Variants in VPS50 observed in about 807,000 individuals in gnomAD.
The protein encoded by VPS50 is syndetin.
In VPS50, 70 loss-of-function variants were observed where a neutral mutation model predicts 139.7. The ratio of observed to expected loss-of-function variants is 0.50; its 90% CI spans 0.41 to 0.61. VPS50 has a LOEUF of 0.61. Among genes scored for constraint, VPS50 ranks in the 20% least tolerant of loss-of-function variants. The pLI is 0.00. For synonymous variants in VPS50, 365 were observed against 376.7 expected (o/e 0.97, Z 0.36); for missense variants, 921 against 1,133.7 (o/e 0.81, Z 2.69).
intron 14 of VPS50, 94 bp downstream of exon 14, chr7:93,294,730 T>C: frequency 2.2e-6 from 2 of 901,980 alleles, no homozygotes; most frequent in Non-Finnish European, 3.3e-6. Flanking sequence ...TATATATGTA[T>C]TCTTTGCAGA....
At position 93,276,279 on chromosome 7, in the gene VPS50, A is replaced by C; in HGVS notation, c.916A>C (p.Lys306Gln). The change falls in exon 12 of 28, where the codon AAG becomes CAG. Residue 306 changes from lysine to glutamine, a missense_variant. Lys to Gln is a moderately conservative substitution (Grantham distance 53). Transcript: ENST00000305866. ...CAGNTDTKFQKLQYKDLCTHV... is the reference protein window; with the variant it reads ...CAGNTDTKFQQLQYKDLCTHV... ...AGGAAACACAGACACAAAATTCCAA[A>C]AGCTGCAATATAAGGATCTCTGTAC... 1 of 1,613,406 alleles carries C rather than the reference A, an allele frequency of 6.2e-7. No homozygotes were observed. The highest frequency in any genetic ancestry group is 2.2e-5 in the East Asian group (1 of 44,836).
rs577525828 is a variant in VPS50, at chr7:93,335,231, G to A, written c.2058+1034G>A. On this transcript the variant is annotated intron_variant, in intron 22 of 27. Coordinates refer to ENST00000305866, the MANE Select transcript of VPS50 (RefSeq NM_017667.4). ...ATGAGTACTAAGATGAAACTGAAGCGGTGATAGGATGGGGATCTTGAGCAG... is the reference window on the plus strand; with the variant it reads ...ATGAGTACTAAGATGAAACTGAAGCAGTGATAGGATGGGGATCTTGAGCAG... Among the ~76,000 whole-genome samples the A allele has an allele frequency of 5.6e-4, 85 of 152,278 alleles. 2 individuals carry two copies. In the South Asian group the frequency reaches 0.017, roughly 30 times the overall value.
chr7:93,277,679 A>G (rs1405543174), intron 12 of VPS50, among the ~76,000 whole-genome samples: 1 of 152,190 alleles, frequency 6.6e-6, no homozygotes, highest in Non-Finnish European at 1.5e-5. Flanking sequence ...TTTTAAACTA[A>G]TTGTAGAAAC....
chr7:93,299,184 T>C (rs960391839), intron 16 of VPS50, among the ~76,000 whole-genome samples: 1 of 152,152 alleles, frequency 6.6e-6, no homozygotes, highest in South Asian at 2.1e-4. Context: ...ATCAGGAAAA[T>C]TATAGTGGAA....
chr7:93,323,103 T>C (rs943102444), intron 20 of VPS50: 1 of 152,118 alleles, frequency 6.6e-6, no homozygotes, highest in South Asian at 2.1e-4. Flanking sequence ...ATGGGCAGTA[T>C]CTTGCATGTA....
Position 93,358,592 on chromosome 7 carries a change from G to A in VPS50, c.*156G>A, listed in dbSNP as rs1283563983. On this transcript the variant is annotated 3_prime_UTR_variant, in exon 28 of 28. Coordinates refer to ENST00000305866, the MANE Select transcript of VPS50 (RefSeq NM_017667.4). ...TGGAAAATATTGAAATGTGTGTGGT[G>A]TTCTCATGACTTTTATATGCTGTGG... 4 of 636,556 alleles carry A rather than the reference G, an allele frequency of 6.3e-6. No homozygotes were observed. The highest frequency in any genetic ancestry group is 2.7e-5 in the East Asian group (1 of 36,442). The allele number at this position is 636,556 out of a possible 1,614,324, so 39.4% of individuals were successfully genotyped here. A position where few individuals can be genotyped will look rare whatever the true frequency, so the allele number is the denominator to read the frequency against.
intron 24 of VPS50, among the ~76,000 whole-genome samples, chr7:93,349,457 C>A (rs575728151): frequency 6.6e-6 from 1 of 152,060 alleles, no homozygotes; most frequent in African/African-American, 2.4e-5. Flanking sequence ...TTTTAGTTTT[C>A]TGGGGGCATT....
chr7:93,323,693 C>A lies in VPS50; in HGVS notation c.1938C>A (p.Tyr646Ter). 1 of 1,423,336 alleles carries A rather than the reference C, an allele frequency of 7.0e-7. No homozygotes were observed. The highest frequency in any genetic ancestry group is 1.4e-5 in the South Asian group (1 of 69,396). 88.2% of individuals were successfully genotyped at this position (1,423,336 alleles called of 1,614,324 possible). The change falls in exon 21 of 28, where the codon TAC becomes TAA. Residue 646 changes from tyrosine (Y) to a stop codon, truncating the protein, a stop_gained. Coordinates refer to ENST00000305866, the MANE Select transcript of VPS50 (RefSeq NM_017667.4). LOFTEE classifies it high-confidence loss of function. ...TCATGTCTCAACTATTTGATTATTA[C>A]TTGTATGCAATATATACCTTTTTTG... ...IHFMSQLFDY[Y>*]LYAIYTFFGR...
In VPS50 at chr7:93,303,449, CTTT is replaced by C. The variant is rs763896782; in HGVS notation, c.1362-6_1362-4del. The C allele has an allele frequency of 8.2e-6, 12 of 1,456,834 alleles. No individual in the cohort carries two copies. Among genetic ancestry groups the C allele is most frequent in the Non-Finnish European group, 1.0e-5 (11 of 1,054,886 alleles). The allele number at this position is 1,456,834 out of a possible 1,614,324, so 90.2% of individuals were successfully genotyped here. A position where few individuals can be genotyped will look rare whatever the true frequency, so the allele number is the denominator to read the frequency against. ...TCTCACTTTTTGGAGTGTTCATTTT[CTTT>C]TTTTAAGAACACGGCTCGATGAACT... On this transcript the variant is annotated splice_region_variant and splice_polypyrimidine_tract_variant and intron_variant, in intron 16 of 27. Transcript: ENST00000305866.
intron 21 of VPS50, among the ~76,000 whole-genome samples, chr7:93,331,627 T>C (rs1000700620): frequency 6.6e-6 from 1 of 152,134 alleles, no homozygotes; most frequent in East Asian, 1.9e-4. Context: ...TCCAAAACTA[T>C]GAAACTTCTA....
intron 1 of VPS50, among the ~76,000 whole-genome samples, chr7:93,235,983 C>T (rs1794788582): frequency 6.6e-6 from 1 of 152,134 alleles, no homozygotes; most frequent in Non-Finnish European, 1.5e-5. Flanking sequence ...AGTGGTGGAT[C>T]TAGGAAAGCA....
chr7:93,342,219 C>T (rs572109654), intron 23 of VPS50, among the ~76,000 whole-genome samples: 16 of 152,164 alleles, frequency 1.1e-4, no homozygotes, highest in African/African-American at 2.7e-4. Context: ...TGGTGACAGA[C>T]GGCACCTGCA....
rs544016983 is a variant in VPS50, at chr7:93,354,798, T to A, written c.2585+1037T>A. On this transcript the variant is annotated intron_variant, in intron 26 of 27. Transcript: ENST00000305866. ...GATACAAATAAGGATCAGTAATACA[T>A]CTGAAATATCCCTGAGAAGCGAACA... Among the ~76,000 whole-genome samples, 6 of 152,290 alleles carry A rather than the reference T, an allele frequency of 3.9e-5. No individual in the cohort carries two copies. The South Asian group carries it at 1.2e-3, about 32-fold the overall frequency.
Position 93,253,946 on chromosome 7 carries a change from A to AT in VPS50, c.297+15_297+16insT. The stretch of plus-strand genomic sequence containing the variant: ...AGCAAGCTGCAGTAAGTAAAAAAAA[A>AT]ACACATTTCTTTCTGGCAAAACTCT... On this transcript the variant is annotated intron_variant, in intron 4 of 27. Transcript: ENST00000305866. The AT allele has an allele frequency of 6.7e-7, 1 of 1,499,942 alleles. No homozygotes were observed. 92.9% of individuals were successfully genotyped at this position (1,499,942 alleles called of 1,614,324 possible). A position where few individuals can be genotyped will look rare whatever the true frequency, so the allele number is the denominator to read the frequency against.
rs202155789 is a variant in VPS50 at position 93,291,820 on chromosome 7, A to G, written c.1060A>G (p.Thr354Ala). Residue 354 changes from threonine to alanine, a missense_variant, in exon 13 of 28, where the codon ACT becomes GCT. Physicochemically the swap from Thr to Ala is moderately conservative, Grantham distance 58. Around this residue, in one of 3 missense-constraint regions of VPS50, gnomAD observed 744 missense variants for 930.6 expected, o/e 0.80. Transcript: ENST00000305866. ...EWHEKHDNED[T>A]ASASEGSNMI... Reference sequence around the variant, plus strand: ...GCATGAAAAGCATGACAATGAGGATACTGCTTCAGCTTCTGGTAGGAAAAT... The same window carrying G: ...GCATGAAAAGCATGACAATGAGGATGCTGCTTCAGCTTCTGGTAGGAAAAT... 333 of 1,583,442 alleles carry G rather than the reference A, an allele frequency of 2.1e-4. No individual in the cohort carries two copies. The highest frequency in any genetic ancestry group is 2.6e-4 in the Non-Finnish European group (309 of 1,167,028).
In VPS50 at chr7:93,360,407, G is replaced by T. The variant is rs987863480; in HGVS notation, c.*1971G>T. On this transcript the variant is annotated 3_prime_UTR_variant, in exon 28 of 28. Transcript: ENST00000305866. The stretch of plus-strand genomic sequence containing the variant: ...ATCTTTTTAATGCTTTTTGAAAAAG[G>T]TTTTTTTTTTTTTTTTTTTTCATTA... 4.0e-4 allele frequency: 50 copies of T among 124,026 alleles called. No homozygotes were observed. The highest frequency in any genetic ancestry group is 7.4e-4 in the Admixed American group (9 of 12,120). The allele number at this position is 124,026 out of a possible 1,614,324, so 7.7% of individuals were successfully genotyped here.
chr7:93,322,764 C>CT (rs1318096217), intron 20 of VPS50, among the ~76,000 whole-genome samples: 1 of 152,100 alleles, frequency 6.6e-6, no homozygotes, highest in Non-Finnish European at 1.5e-5. Context: ...AGATATGCTT[C>CT]TTTTCCTCTT....
intron 9 of VPS50, among the ~76,000 whole-genome samples, chr7:93,260,713 A>G (rs1276742792): frequency 2.0e-5 from 3 of 151,104 alleles, no homozygotes; most frequent in African/African-American, 7.3e-5. Context: ...TTTTTATTTT[A>G]AAGATGGAGT....
chr7:93,325,897 C>T (rs981099418), intron 21 of VPS50, among the ~76,000 whole-genome samples: 3 of 151,174 alleles, frequency 2.0e-5, no homozygotes, highest in African/African-American at 7.3e-5. Flanking sequence ...GGCGATTCCT[C>T]AGGGATCTAG....
Sources: allele counts gnomAD v4.1 joint callset (sites outside exome capture counted in the v4.1 genomes callset), GRCh38; gene constraint gnomAD v4.1.1; regional missense constraint gnomAD v4.1.1; transcripts MANE v1.5; gene names NCBI Gene and HGNC (gene_info 2026-07-23, HGNC 2026-07-21).